Variants in FREM1 observed in about 807,000 individuals in gnomAD.
FREM1 encodes the protein FRAS1-related extracellular matrix protein 1.
In FREM1, 220 loss-of-function variants were observed where a neutral mutation model predicts 210.1. The observed-to-expected ratio is 1.05, with a 90% CI of 0.94 to 1.17. FREM1 has a LOEUF of 1.17. Among genes scored for constraint, FREM1 ranks in the 50% most tolerant of loss-of-function variants. FREM1 has a pLI of 0.00. For missense variants in FREM1, 3,454 were observed against 2,675.5 expected (o/e 1.29, Z -6.42); for synonymous variants, 1,189 against 980.2 (o/e 1.21, Z -3.98).
intron 10 of FREM1, among the ~76,000 whole-genome samples, chr9:14,833,582 A>G (rs1357437254): frequency 6.6e-6 from 1 of 152,214 alleles, no homozygotes; most frequent in Non-Finnish European, 1.5e-5. Context: ...ATTAAGGCTC[A>G]TTGATTTCAT....
In FREM1 at chr9:14,801,785, G is replaced by A. The variant is rs767089958; in HGVS notation, c.3561C>T (p.Ile1187=). The A allele has an allele frequency of 6.2e-7, 1 of 1,613,956 alleles. No individual in the cohort carries two copies. Among genetic ancestry groups the A allele is most frequent in the South Asian group, 1.1e-5 (1 of 91,070 alleles). ...DIPQDALLFS[I]TQKPRHGLLI... ...GGAGGCCATGGCGTGGCTTTTGAGT[G>A]ATGCTGAACAGCAGGGCATCCTGGG... Residue 1187 remains isoleucine (I), a synonymous_variant, in exon 20 of 37, where the codon ATC becomes ATT. Coordinates refer to ENST00000380880, the MANE Select transcript of FREM1 (RefSeq NM_001379081.2).
In FREM1 at chr9:14,747,369, C is replaced by A. The variant is rs763985268; in HGVS notation, c.5904G>T (p.Lys1968Asn). 3.7e-6 allele frequency: 6 copies of A among 1,613,588 alleles called. No individual in the cohort carries two copies. In the African/African-American group the frequency reaches 6.7e-5, roughly 18 times the overall value. The change falls in exon 33 of 37, where the codon AAG becomes AAT. Residue 1968 changes from lysine to asparagine, a missense_variant. Lys to Asn is a moderately conservative substitution (Grantham distance 94, BLOSUM62 0). Coordinates refer to ENST00000380880, the MANE Select transcript of FREM1 (RefSeq NM_001379081.2). ...GCTGACTAATGATGGATACTTTGGC[C>A]TTCCTTTTGTGAGTTGGGAAACTGT... Reference protein sequence around the residue: ...EDDSFPTHKRKAKVSIISQPQ... With the variant: ...EDDSFPTHKRNAKVSIISQPQ...
Position 14,756,541 on chromosome 9 carries a change from C to T in FREM1, c.5335-95G>A, listed in dbSNP as rs944565092. 4.8e-6 allele frequency: 4 copies of T among 826,260 alleles called. No homozygotes were observed. The African/African-American group carries it at 7.1e-5, about 15-fold the overall frequency. The allele number at this position is 826,260 out of a possible 1,614,324, so 51.2% of individuals were successfully genotyped here. A position where few individuals can be genotyped will look rare whatever the true frequency, so the allele number is the denominator to read the frequency against. Reference sequence around the variant, plus strand: ...CCTCATACTGGACTAAACTCATGCTCTTAAATCTGTTTTTAATATTAGGTA... The same window carrying T: ...CCTCATACTGGACTAAACTCATGCTTTTAAATCTGTTTTTAATATTAGGTA... On this transcript the variant is annotated intron_variant, in intron 28 of 36. Coordinates refer to ENST00000380880, the MANE Select transcript of FREM1 (RefSeq NM_001379081.2).
Position 14,868,908 on chromosome 9 carries a change from T to G in FREM1, c.70A>C (p.Thr24Pro), listed in dbSNP as rs372699811. The change falls in exon 2 of 37, where the codon ACC becomes CCC. Residue 24 changes from threonine to proline, a missense_variant. Physicochemically the swap from Thr to Pro is conservative, Grantham distance 38. Transcript: ENST00000380880. ...LLLLLAWASP[T>P]FISINRGVRV... ...ACCCCGCGGTTGATGCTGATGAAGG[T>G]GGGGCTGGCCCAGGCCAGGAGGAGC... The G allele has an allele frequency of 1.2e-6, 2 of 1,605,176 alleles. No individual in the cohort carries two copies. The highest frequency in any genetic ancestry group is 3.4e-5 in the Admixed American group (2 of 58,938).
intron 16 of FREM1, among the ~76,000 whole-genome samples, chr9:14,812,043 G>A (rs1293105610): frequency 6.6e-6 from 1 of 152,136 alleles, no homozygotes; most frequent in Non-Finnish European, 1.5e-5. Flanking sequence ...GAGATGATGT[G>A]ATGATGTGCA....
chr9:14,746,219 C>G (rs908937242), intron 35 of FREM1, 134 bp downstream of exon 35: 4 of 612,738 alleles, frequency 6.5e-6, no homozygotes, highest in Non-Finnish European at 1.1e-5. Flanking sequence ...TCCCTCAGGG[C>G]TCCTAAAACA....
intron 22 of FREM1, among the ~76,000 whole-genome samples, chr9:14,790,305 G>A (rs539515517): frequency 5.3e-5 from 8 of 152,106 alleles, no homozygotes; most frequent in Non-Finnish European, 1.0e-4. Context: ...ACTTGATAAC[G>A]TTTCTTTCTC....
At chr9:14,854,915 T>G (rs546397236) in intron 5 of FREM1, among the ~76,000 whole-genome samples, 19 of 152,192 alleles carry the variant, frequency 1.2e-4, no homozygotes, top group African/African-American at 4.1e-4. Context: ...AAAGAACCTT[T>G]GTTCAATAAA....
intron 27 of FREM1, among the ~76,000 whole-genome samples, chr9:14,767,676 T>C (rs1379742378): frequency 2.0e-5 from 3 of 152,186 alleles, no homozygotes; most frequent in African/African-American, 7.2e-5. Flanking sequence ...TGCTTTTTAC[T>C]GGAAAATTGT....
intron 1 of FREM1, among the ~76,000 whole-genome samples, chr9:14,896,726 C>G (rs1036621049): frequency 2.6e-5 from 4 of 152,092 alleles, no homozygotes; most frequent in African/African-American, 7.2e-5. Flanking sequence ...ACAACAACAA[C>G]AAAAACCAGA....
intron 1 of FREM1, among the ~76,000 whole-genome samples, chr9:14,898,636 G>A (rs1838203778): frequency 6.6e-6 from 1 of 152,188 alleles, no homozygotes; most frequent in African/African-American, 2.4e-5. Flanking sequence ...CAACTACTCA[G>A]GAGGCTGAGG....
At chr9:14,822,503 C>G (rs1250538854) in intron 13 of FREM1, among the ~76,000 whole-genome samples, 1 of 152,132 alleles carries the variant, frequency 6.6e-6, no homozygotes, top group Non-Finnish European at 1.5e-5. Flanking sequence ...TTTTGTCTTC[C>G]TGCTTTTAAG....
rs2131078443 is a variant in FREM1, at chr9:14,836,178, A to G, written c.1881+5269T>C. On this transcript the variant is annotated intron_variant, in intron 10 of 36. Coordinates refer to ENST00000380880, the MANE Select transcript of FREM1 (RefSeq NM_001379081.2). This position sits in a 1 kb window ranked among gnomAD's most constrained non-coding sequence, Gnocchi z 4.9. Reference sequence around the variant, plus strand: ...GCAAGTAAAATTTTAGATGGAAATTATCTACCACACCACACTTGTGGGAAT... The same window carrying G: ...GCAAGTAAAATTTTAGATGGAAATTGTCTACCACACCACACTTGTGGGAAT... 6.6e-6 allele frequency among the ~76,000 whole-genome samples: 1 copy of G among 152,376 alleles called. No individual in the cohort carries two copies. Among genetic ancestry groups the G allele is most frequent in the East Asian group, 1.9e-4 (1 of 5,194 alleles).
rs750090383 is a variant in FREM1 at position 14,801,787 on chromosome 9, T to A, written c.3559A>T (p.Ile1187Phe). The A allele has an allele frequency of 6.2e-7, 1 of 1,613,966 alleles. No individual in the cohort carries two copies. Among genetic ancestry groups the A allele is most frequent in the East Asian group, 2.2e-5 (1 of 44,874 alleles). Residue 1187 changes from isoleucine to phenylalanine, a missense_variant, in exon 20 of 37, where the codon ATC becomes TTC. Coordinates refer to ENST00000380880, the MANE Select transcript of FREM1 (RefSeq NM_001379081.2). ...AGGCCATGGCGTGGCTTTTGAGTGA[T>A]GCTGAACAGCAGGGCATCCTGGGGA... ...DIPQDALLFSITQKPRHGLLI... is the reference protein window; with the variant it reads ...DIPQDALLFSFTQKPRHGLLI...
chr9:14,832,257 A>G (rs1342731614), intron 10 of FREM1, among the ~76,000 whole-genome samples: 1 of 152,204 alleles, frequency 6.6e-6, no homozygotes, highest in Non-Finnish European at 1.5e-5. Context: ...TCATTGCAGG[A>G]CCTTAGGCAA....
intron 14 of FREM1, among the ~76,000 whole-genome samples, chr9:14,818,663 G>C (rs949508722): frequency 2.6e-5 from 4 of 152,168 alleles, no homozygotes; most frequent in Non-Finnish European, 5.9e-5. Context: ...CTTCAGGTAA[G>C]GGCAGTTTCT....
chr9:14,897,640 G>A (rs1370568298), intron 1 of FREM1, among the ~76,000 whole-genome samples: 1 of 151,266 alleles, frequency 6.6e-6, no homozygotes, highest in Non-Finnish European at 1.5e-5. Context: ...GCCCAGGCTG[G>A]AGTACAGTTC....
chr9:14,820,627 A>G (rs186634447), intron 13 of FREM1, among the ~76,000 whole-genome samples: 7 of 152,368 alleles, frequency 4.6e-5, no homozygotes, highest in Non-Finnish European at 7.3e-5. Context: ...CACCTGGGGC[A>G]TTCATGGTGC....
intron 24 of FREM1, chr9:14,779,319 A>C (rs1405073993): frequency 9.9e-6 from 2 of 202,034 alleles, no homozygotes; most frequent in Non-Finnish European, 1.8e-5. Flanking sequence ...ATATAAGCCA[A>C]AGGACGTGTA....
Sources: gnomAD v4.1 joint callset for allele counts (sites outside exome capture counted in the v4.1 genomes callset) on GRCh38, gnomAD v4.1.1 for gene constraint, Gnocchi (gnomAD v3.1) non-coding constraint, MANE v1.5 for transcripts, NCBI Gene and HGNC (gene_info 2026-07-23, HGNC 2026-07-21) for gene names.